ANKRD33B: variants seen among roughly 807,000 people sequenced by gnomAD.
ANKRD33B encodes the protein ankyrin repeat domain 33B, also known as ankyrin repeat domain-containing protein 33B.
In ANKRD33B, 6 loss-of-function variants were observed where a neutral mutation model predicts 21.5. The ratio of observed to expected loss-of-function variants is 0.28; its 90% CI spans 0.15 to 0.55. ANKRD33B has a LOEUF of 0.55. Among genes scored for constraint, ANKRD33B ranks in the 20% least tolerant of loss-of-function variants. The probability of loss-of-function intolerance (pLI) is 0.94; values close to 1 mark genes in which losing one functional copy is unlikely to be tolerated. For missense variants in ANKRD33B, 698 were observed against 747.2 expected (o/e 0.93, Z 0.77); for synonymous variants, 347 against 342.4 (o/e 1.01, Z -0.15).
At chr5:10,613,264 A>C (rs1381433321) in intron 1 of ANKRD33B, among the ~76,000 whole-genome samples, 1 of 146,130 alleles carries the variant, frequency 6.8e-6, no homozygotes, top group East Asian at 2.0e-4. Context: ...TTATTGTAAA[A>C]CTATTTCTTA....
chr5:10,584,046 C>T (rs777899448), intron 1 of ANKRD33B, among the ~76,000 whole-genome samples: 3 of 152,218 alleles, frequency 2.0e-5, no homozygotes, highest in Admixed American at 6.5e-5. Flanking sequence ...GCCTAGAAGA[C>T]GAGTGGTGGC....
chr5:10,572,078 G>C (rs1735208428), intron 1 of ANKRD33B, among the ~76,000 whole-genome samples: 1 of 152,102 alleles, frequency 6.6e-6, no homozygotes, highest in South Asian at 2.1e-4. Context: ...TAGTAGAGAT[G>C]GGGTTTTACC....
chr5:10,593,961 GA>G (rs1056044522), intron 1 of ANKRD33B, among the ~76,000 whole-genome samples: 2 of 152,206 alleles, frequency 1.3e-5, no homozygotes, highest in African/African-American at 4.8e-5. Flanking sequence ...TGGCAAGGCA[GA>G]ACCTGTCCCA....
In ANKRD33B at chr5:10,656,916, A is replaced by C. The variant is rs981431832; in HGVS notation, c.*6803A>C. ...TAGACACTCTAATCAATGCTAACAC[A>C]GTTCAGTTTTTGAGGGAACTAGTTT... On this transcript the variant is annotated 3_prime_UTR_variant, in exon 4 of 4. Coordinates refer to ENST00000296657, the MANE Select transcript of ANKRD33B (RefSeq NM_001164440.2). The C allele has an allele frequency of 2.0e-5, 3 of 152,206 alleles. No homozygotes were observed. The highest frequency in any genetic ancestry group is 2.0e-4 in the Admixed American group (3 of 15,274). 9.4% of individuals were successfully genotyped at this position (152,206 alleles called of 1,614,324 possible).
At position 10,564,252 on chromosome 5, in the gene ANKRD33B, G is replaced by GC. The variant is rs1442027094; in HGVS notation, c.-211dup. Reference sequence around the variant, plus strand: ...GCCCCGCCCCGCCCCGCCTCGGAAAGCCCCCGCGGTCCCGCCCACCCCAGG... The same window carrying GC: ...GCCCCGCCCCGCCCCGCCTCGGAAAGCCCCCCGCGGTCCCGCCCACCCCAGG... On this transcript the variant is annotated 5_prime_UTR_variant, in exon 1 of 4. Coordinates refer to ENST00000296657, the MANE Select transcript of ANKRD33B (RefSeq NM_001164440.2). The GC allele has an allele frequency of 5.9e-6, 1 of 170,270 alleles. No individual in the cohort carries two copies. Among genetic ancestry groups the GC allele is most frequent in the Non-Finnish European group, 1.2e-5 (1 of 83,614 alleles). The allele number at this position is 170,270 out of a possible 1,614,324, so 10.5% of individuals were successfully genotyped here.
chr5:10,642,359 C>T (rs1737080182), intron 3 of ANKRD33B, among the ~76,000 whole-genome samples: 1 of 152,190 alleles, frequency 6.6e-6, no homozygotes, highest in Admixed American at 6.5e-5. Context: ...CCCTATTCTC[C>T]ACTTTGCAAG....
At chr5:10,597,747 T>C (rs1971974) in intron 1 of ANKRD33B, among the ~76,000 whole-genome samples, 63,416 of 152,032 alleles carry the variant, frequency 0.42, 13,642 homozygotes, top group Admixed American at 0.55. Context: ...CTCTCATCAC[T>C]ACATGGCACT....
At chr5:10,644,881 G>A (rs1013440669) in intron 3 of ANKRD33B, among the ~76,000 whole-genome samples, 1 of 152,178 alleles carries the variant, frequency 6.6e-6, no homozygotes, top group Non-Finnish European at 1.5e-5. Flanking sequence ...AGTGGAGTGA[G>A]GGGGCAGCAA....
At chr5:10,613,151 C>T (rs914600001) in intron 1 of ANKRD33B, among the ~76,000 whole-genome samples, 1 of 152,158 alleles carries the variant, frequency 6.6e-6, no homozygotes, top group Non-Finnish European at 1.5e-5. Context: ...CCCTGGCTGT[C>T]GTGGGCTCCC....
chr5:10,590,553 A>G (rs1181631009), intron 1 of ANKRD33B, among the ~76,000 whole-genome samples: 2 of 152,126 alleles, frequency 1.3e-5, no homozygotes, highest in Non-Finnish European at 2.9e-5. Context: ...ATGCAGCCCA[A>G]CACAAATTTG....
intron 3 of ANKRD33B, among the ~76,000 whole-genome samples, chr5:10,644,146 AT>A (rs1237146369): frequency 3.3e-5 from 5 of 152,248 alleles, no homozygotes; most frequent in African/African-American, 4.8e-5. Flanking sequence ...TAAGAAAAAA[AT>A]AAACCATTTA....
intron 1 of ANKRD33B, among the ~76,000 whole-genome samples, chr5:10,588,133 A>G (rs757073526): frequency 7.2e-5 from 11 of 152,228 alleles, no homozygotes; most frequent in Admixed American, 2.0e-4. Flanking sequence ...ACTTATTGTA[A>G]AATATTCAGA....
At chr5:10,631,829 G>A (rs1011850875) in intron 2 of ANKRD33B, among the ~76,000 whole-genome samples, 9 of 152,226 alleles carry the variant, frequency 5.9e-5, no homozygotes, top group Non-Finnish European at 1.2e-4. Context: ...CCCTCACTGC[G>A]CGTCCTCTGT....
At chr5:10,609,834 A>G (rs1736126533) in intron 1 of ANKRD33B, among the ~76,000 whole-genome samples, 2 of 152,192 alleles carry the variant, frequency 1.3e-5, no homozygotes, top group African/African-American at 2.4e-5. Flanking sequence ...GCTTGAACCC[A>G]GGAGATGGAG....
At chr5:10,579,302 A>G (rs1040545630) in intron 1 of ANKRD33B, among the ~76,000 whole-genome samples, 7 of 151,648 alleles carry the variant, frequency 4.6e-5, no homozygotes, top group African/African-American at 1.7e-4. Flanking sequence ...TAACATAGAC[A>G]GGAAGGCTAT....
intron 1 of ANKRD33B, among the ~76,000 whole-genome samples, chr5:10,603,064 T>C (rs1189569663): frequency 6.6e-6 from 1 of 151,938 alleles, no homozygotes; most frequent in Non-Finnish European, 1.5e-5. Context: ...TCCTCCCGTC[T>C]CAGCCTCCCA....
At chr5:10,577,847 G>A (rs1229735349) in intron 1 of ANKRD33B, among the ~76,000 whole-genome samples, 1 of 152,202 alleles carries the variant, frequency 6.6e-6, no homozygotes, top group Non-Finnish European at 1.5e-5. Flanking sequence ...CCTCACTGGA[G>A]ACCTTGAACC....
At chr5:10,616,108 C>T (rs1222234469) in intron 1 of ANKRD33B, among the ~76,000 whole-genome samples, 1 of 152,136 alleles carries the variant, frequency 6.6e-6, no homozygotes, top group Admixed American at 6.5e-5. Context: ...GTTGATTATG[C>T]TGTGGTATGG....
At chr5:10,648,654 G>A (rs1737243723) in intron 3 of ANKRD33B, among the ~76,000 whole-genome samples, 1 of 152,226 alleles carries the variant, frequency 6.6e-6, no homozygotes, top group South Asian at 2.1e-4. Context: ...AGCTACTCGG[G>A]AGGCTGAGGC....
Sources: allele counts gnomAD v4.1 joint callset (sites outside exome capture counted in the v4.1 genomes callset), GRCh38; gene constraint gnomAD v4.1.1; transcripts MANE v1.5; gene names NCBI Gene and HGNC (gene_info 2026-07-23, HGNC 2026-07-21).